The following VIPAS39 variants were observed in gnomAD, a reference collection of about 807,000 sequenced individuals.
VIPAS39 encodes the protein VPS33B interacting protein, apical-basolateral polarity regulator, spe-39 homolog.
VIPAS39 carries 63 observed loss-of-function variants against 84.7 expected under a neutral mutation model. The ratio of observed to expected loss-of-function variants is 0.74; its 90% CI spans 0.61 to 0.92. The LOEUF is 0.92. Among genes scored for constraint, VIPAS39 ranks in the 40% least tolerant of loss-of-function variants. The pLI, the probability that VIPAS39 is intolerant of heterozygous loss-of-function variation, is 0.00. For missense variants in VIPAS39, 499 were observed against 604.5 expected (o/e 0.83, Z 1.83); for synonymous variants, 192 against 216.5 (o/e 0.89, Z 0.99).
intron 9 of VIPAS39, 101 bp downstream of exon 9, chr14:77,443,018 A>G: frequency 6.6e-7 from 1 of 1,510,884 alleles, no homozygotes; most frequent in Non-Finnish European, 9.2e-7. Flanking sequence ...TCTCTGAAAT[A>G]GACTTGACTA....
Position 77,427,579 on chromosome 14 carries a change from G to A in VIPAS39, c.*37C>T. The A allele has an allele frequency of 1.2e-6, 2 of 1,614,010 alleles. No homozygotes were observed. Among genetic ancestry groups the A allele is most frequent in the Non-Finnish European group, 1.7e-6 (2 of 1,179,868 alleles). On this transcript the variant is annotated 3_prime_UTR_variant, in exon 20 of 20. Transcript: ENST00000557658. The stretch of plus-strand genomic sequence containing the variant: ...CTCTCTGCTTTCACAGGCAGGAGAG[G>A]AGGAAATGAGGCAGGCTTCAAGGTA...
chr14:77,444,348 G>T lies in VIPAS39; in HGVS notation c.505-7C>A. On this transcript the variant is annotated splice_polypyrimidine_tract_variant and splice_region_variant and intron_variant, in intron 7 of 19. Transcript: ENST00000557658. ...ATCTCTCTAGTGAGCAAACCTGGCA[G>T]AATAACACTAGAATTAGTACACAAG... The T allele has an allele frequency of 6.2e-7, 1 of 1,610,636 alleles. No homozygotes were observed. Among genetic ancestry groups the T allele is most frequent in the South Asian group, 1.1e-5 (1 of 90,988 alleles).
chr14:77,447,911 C>G (rs1052833945), intron 7 of VIPAS39, among the ~76,000 whole-genome samples: 1 of 151,716 alleles, frequency 6.6e-6, no homozygotes, highest in Non-Finnish European at 1.5e-5. Context: ...ATCTGCCTGC[C>G]TTGGCCTCCC....
rs756090677 is a variant in VIPAS39 at position 77,442,593 on chromosome 14, A to G, written c.701T>C (p.Ile234Thr). ...LRHLIHFLKE[I>T]GDQKLLLDLF... ...GTCTAAAAGCAACTTTTGATCCCCT[A>G]TTTCCTTAAGGAAGTGAATAAGATG... Residue 234 changes from isoleucine (I) to threonine (T), a missense_variant, in exon 10 of 20, where the codon ATA becomes ACA. Transcript: ENST00000557658. 5.0e-6 allele frequency: 8 copies of G among 1,614,124 alleles called. No individual in the cohort carries two copies. The highest frequency in any genetic ancestry group is 1.1e-5 in the South Asian group (1 of 91,074).
In VIPAS39 at chr14:77,448,698, C is replaced by T. The variant is rs575044464; in HGVS notation, c.448-148G>A. ...ATGTGAAAAAAATGAAGAAATGGGA[C>T]GGTTTTGTTTTGAGTTTCTGAAGGA... is the stretch of plus-strand genomic sequence containing the variant. On this transcript the variant is annotated intron_variant, in intron 6 of 19. Transcript: ENST00000557658. 5.7e-5 allele frequency: 51 copies of T among 889,972 alleles called. 1 individual carries two copies. The highest frequency in any genetic ancestry group is 3.4e-4 in the South Asian group (24 of 70,248). 55.1% of individuals were successfully genotyped at this position (889,972 alleles called of 1,614,324 possible).
At chr14:77,443,872 CA>C (rs11341918) in intron 8 of VIPAS39, among the ~76,000 whole-genome samples, 93,381 of 102,430 alleles carry the variant, frequency 0.91, 42,460 homozygotes, top group East Asian at 0.96. Context: ...GACTCCATCT[CA>C]AAAAAAAAAA....
intron 10 of VIPAS39, 84 bp from the exon 11 acceptor site, chr14:77,441,177 G>A: frequency 2.0e-6 from 3 of 1,477,582 alleles, no homozygotes; most frequent in Non-Finnish European, 1.9e-6. Context: ...GCCTCCTCTA[G>A]GAGAAACACA....
At chr14:77,455,898 G>A (rs1468237324) in intron 1 of VIPAS39, among the ~76,000 whole-genome samples, 1 of 152,084 alleles carries the variant, frequency 6.6e-6, no homozygotes, top group Non-Finnish European at 1.5e-5. Flanking sequence ...TTAATTTTAG[G>A]GAGATAAACC....
chr14:77,453,485 G>C, intron 2 of VIPAS39, 84 bp from the exon 3 acceptor site: 1 of 1,328,516 alleles, frequency 7.5e-7, no homozygotes. Flanking sequence ...CTGAGGAATT[G>C]GGGCCTGAAG....
At chr14:77,428,039 G>A (rs1019039004) in intron 19 of VIPAS39, among the ~76,000 whole-genome samples, 2 of 152,014 alleles carry the variant, frequency 1.3e-5, no homozygotes, top group African/African-American at 4.8e-5. Flanking sequence ...CCATCCCCAC[G>A]AGACCATACA....
intron 16 of VIPAS39, among the ~76,000 whole-genome samples, 178 bp from the exon 17 acceptor site, chr14:77,429,945 A>G (rs1261891047): frequency 1.3e-5 from 2 of 152,250 alleles, no homozygotes; most frequent in Non-Finnish European, 2.9e-5. Context: ...GAGAGTGGAA[A>G]TGAATCAGGT....
rs769057172 is a variant in VIPAS39 at position 77,442,635 on chromosome 14, C to T, written c.659G>A (p.Arg220Gln). ...KEILFRELEV[R>Q]QVALRHLIHF... ...AATAAGATGTCTCAGGGCAACCTGTCGCACCTCCAGCTCTCGGAAGAGGAT... is the reference window on the plus strand; with the variant it reads ...AATAAGATGTCTCAGGGCAACCTGTTGCACCTCCAGCTCTCGGAAGAGGAT... Residue 220 changes from arginine to glutamine, a missense_variant, in exon 10 of 20, where the codon CGA becomes CAA. Arg to Gln is a conservative substitution (Grantham distance 43). Transcript: ENST00000557658. 12 of 1,614,162 alleles carry T rather than the reference C, an allele frequency of 7.4e-6. No homozygotes were observed. Among genetic ancestry groups the T allele is most frequent in the East Asian group, 2.2e-5 (1 of 44,886 alleles).
chr14:77,430,081 T>C (rs2078496753), intron 16 of VIPAS39, among the ~76,000 whole-genome samples: 1 of 152,214 alleles, frequency 6.6e-6, no homozygotes, highest in Non-Finnish European at 1.5e-5. Context: ...TAATTCCATC[T>C]TCCATATCTT....
chr14:77,444,534 T>G lies in VIPAS39; in HGVS notation c.505-193A>C, dbSNP rs191928584. On this transcript the variant is annotated intron_variant, in intron 7 of 19. Transcript: ENST00000557658. ...CTCTCTAGTTCAGCCTGCTGCCCTA[T>G]AAGATGCTAATGTCCTGAAGTCTTG... Among the ~76,000 whole-genome samples the G allele has an allele frequency of 5.6e-4, 85 of 152,342 alleles. 1 individual carries two copies. The highest frequency in any genetic ancestry group is 1.8e-3 in the African/African-American group (74 of 41,592).
Position 77,435,859 on chromosome 14 carries a change from A to T in VIPAS39, c.897T>A (p.Arg299=). The change falls in exon 13 of 20, where the codon CGT becomes CGA. Residue 299 remains arginine, a synonymous_variant. Coordinates refer to ENST00000557658, the MANE Select transcript of VIPAS39 (RefSeq NM_001193315.2). ...AGAGTCTAACCTCAATAATGATCTG[A>T]CGTTCCAGGAGCGTGTAATGGTCCT... The part of the protein sequence containing the change: ...HIQDHYTLLE[R]QIIIEANDRH... The T allele has an allele frequency of 1.9e-6, 3 of 1,614,192 alleles. No homozygotes were observed. The highest frequency in any genetic ancestry group is 2.5e-6 in the Non-Finnish European group (3 of 1,180,018).
chr14:77,430,492 G>A (rs1026585660), intron 16 of VIPAS39, among the ~76,000 whole-genome samples: 1 of 152,088 alleles, frequency 6.6e-6, no homozygotes, highest in Non-Finnish European at 1.5e-5. Flanking sequence ...CGAGGTGGGC[G>A]GATCACTTGA....
chr14:77,440,366 A>T (rs1196641841), intron 11 of VIPAS39: 1 of 152,226 alleles, frequency 6.6e-6, no homozygotes, highest in Non-Finnish European at 1.5e-5. Context: ...ATTCTCAGCC[A>T]AAACGTGTAT....
intron 11 of VIPAS39, 134 bp downstream of exon 11, chr14:77,440,931 TG>T: frequency 1.0e-6 from 1 of 986,930 alleles, no homozygotes. Flanking sequence ...TTGGCCAGGC[TG>T]GTCTTGAACT....
rs2078879847 is a variant in VIPAS39 at position 77,451,414 on chromosome 14, C to T, written c.197-81G>A. Reference sequence around the variant, plus strand: ...TCCAACATTCAATAAACTCTAAAAGCTTTTCACCAGAAGCCCTGGTCCCTT... The same window carrying T: ...TCCAACATTCAATAAACTCTAAAAGTTTTTCACCAGAAGCCCTGGTCCCTT... On this transcript the variant is annotated intron_variant, in intron 3 of 19. Transcript: ENST00000557658. The T allele has an allele frequency of 1.6e-5, 25 of 1,609,918 alleles. No individual in the cohort carries two copies. In the South Asian group the frequency reaches 2.8e-4, roughly 18 times the overall value.
Sources: gnomAD v4.1 joint callset for allele counts (sites outside exome capture counted in the v4.1 genomes callset) on GRCh38, gnomAD v4.1.1 for gene constraint, MANE v1.5 for transcripts, NCBI Gene and HGNC (gene_info 2026-07-23, HGNC 2026-07-21) for gene names.